Variants in PALD1 observed in about 807,000 individuals in gnomAD.
PALD1 encodes the protein paladin.
PALD1 carries 57 observed loss-of-function variants against 96.0 expected under a neutral mutation model. The observed-to-expected ratio is 0.59, with a 90% CI of 0.48 to 0.74. The LOEUF is 0.74. Ranked by LOEUF, PALD1 falls within the 30% of genes least tolerant of loss-of-function variation. The pLI is 0.00. For missense variants in PALD1, 1,063 were observed against 1,143.7 expected, an observed-to-expected ratio of 0.93 and a Z score of 1.02; for synonymous variants, 464 against 473.6, an observed-to-expected ratio of 0.98 and a Z score of 0.26.
chr10:70,558,196 T>C (rs2132438773), intron 18 of PALD1, among the ~76,000 whole-genome samples: 1 of 152,104 alleles, frequency 6.6e-6, no homozygotes, highest in African/African-American at 2.4e-5. Context: ...GGCTGTCTTC[T>C]CCTGAGCCTC....
At chr10:70,528,780 C>T (rs1048059738) in intron 2 of PALD1, among the ~76,000 whole-genome samples, 5 of 152,190 alleles carry the variant, frequency 3.3e-5, no homozygotes, top group Admixed American at 2.0e-4. Context: ...GGCCCCTTCT[C>T]CCTCATTGCT....
chr10:70,535,226 T>C (rs1025414258), intron 10 of PALD1, among the ~76,000 whole-genome samples: 1 of 152,250 alleles, frequency 6.6e-6, no homozygotes, highest in Non-Finnish European at 1.5e-5. Flanking sequence ...GAAAGACTTA[T>C]GGGCTCTAGG....
chr10:70,534,619 C>T, intron 9 of PALD1, 95 bp downstream of exon 9: 1 of 1,140,044 alleles, frequency 8.8e-7, no homozygotes, highest in Non-Finnish European at 1.3e-6. Flanking sequence ...CGATACCCTC[C>T]CCTACCTCTC....
At chr10:70,563,730 C>G (rs1246976668) in intron 18 of PALD1, among the ~76,000 whole-genome samples, 1 of 152,198 alleles carries the variant, frequency 6.6e-6, no homozygotes, top group Non-Finnish European at 1.5e-5. Context: ...GGTTTCTCCC[C>G]TTCAAGGCTG....
intron 12 of PALD1, 94 bp downstream of exon 12, chr10:70,538,502 C>T (rs1847162136): frequency 1.8e-5 from 23 of 1,310,396 alleles, no homozygotes; most frequent in Middle Eastern, 1.8e-4. Flanking sequence ...GTAAGCATTG[C>T]CCTTGCAGGA....
intron 1 of PALD1, among the ~76,000 whole-genome samples, chr10:70,508,384 G>A (rs899107043): frequency 5.9e-5 from 9 of 152,202 alleles, no homozygotes; most frequent in African/African-American, 1.7e-4. Context: ...GTGAGGAGGT[G>A]CACTGGCTGG....
At chr10:70,517,594 G>A (rs920643539) in intron 1 of PALD1, among the ~76,000 whole-genome samples, 13 of 152,160 alleles carry the variant, frequency 8.5e-5, no homozygotes, top group Non-Finnish European at 1.5e-4. Flanking sequence ...CGCTCACCTC[G>A]GCTTTCCAAA....
chr10:70,466,285 G>A, the PALD1 span, among the ~76,000 whole-genome samples: 921 of 151,262 alleles, frequency 6.1e-3, 6 homozygotes, highest in African/African-American at 0.021. Flanking sequence ...TCACTCTGTC[G>A]CTCAGGCTGG....
chr10:70,521,839 CT>C (rs142686894), intron 1 of PALD1, among the ~76,000 whole-genome samples: 3 of 150,830 alleles, frequency 2.0e-5, no homozygotes, highest in Admixed American at 6.6e-5. Flanking sequence ...CTGGTTTCCT[CT>C]TTTTTTTTGT....
At chr10:70,491,950 T>G (rs778097728) in intron 1 of PALD1, among the ~76,000 whole-genome samples, 1 of 152,262 alleles carries the variant, frequency 6.6e-6, no homozygotes, top group East Asian at 1.9e-4. Context: ...TGAGTAACTT[T>G]CCATTGTATG....
chr10:70,498,524 C>T (rs1846234349), intron 1 of PALD1, among the ~76,000 whole-genome samples: 1 of 151,494 alleles, frequency 6.6e-6, no homozygotes, highest in Admixed American at 6.6e-5. Context: ...AAGCAGTCCT[C>T]TTGCCTTAGC....
intron 18 of PALD1, among the ~76,000 whole-genome samples, chr10:70,561,953 G>A (rs1423222608): frequency 2.6e-5 from 4 of 152,186 alleles, no homozygotes; most frequent in South Asian, 4.1e-4. Context: ...CTCCAGGCAC[G>A]GAGGGCAGGG....
Position 70,547,451 on chromosome 10 carries a change from GC to G in PALD1, c.2262+10del, listed in dbSNP as rs1034797417. 4.4e-6 allele frequency: 7 copies of G among 1,585,790 alleles called. No individual in the cohort carries two copies. In the Admixed American group the frequency reaches 5.1e-5, roughly 11 times the overall value. On this transcript the variant is annotated splice_donor_region_variant and intron_variant, in intron 18 of 19. Coordinates refer to ENST00000263563, the MANE Select transcript of PALD1 (RefSeq NM_014431.3). ...ATCATCTGCACCTACCGCCAGGTGA[GC>G]CCCCACCCCACCCCACCCCACCCTG...
At position 70,539,468 on chromosome 10, in the gene PALD1, A is replaced by G. The variant is rs1847192209; in HGVS notation, c.1726-112A>G. ...GTGACCCCTGAGGCTTGGGGGGGTC[A>G]GGGATGGGACTGGAAGCCAGGGCCA... On this transcript the variant is annotated intron_variant, in intron 14 of 19. Coordinates refer to ENST00000263563, the MANE Select transcript of PALD1 (RefSeq NM_014431.3). This position sits in a 1 kb window ranked among gnomAD's most constrained non-coding sequence, Gnocchi z 4.5. The G allele has an allele frequency of 1.8e-6, 2 of 1,117,278 alleles. No homozygotes were observed. Among genetic ancestry groups the G allele is most frequent in the Non-Finnish European group, 1.2e-6 (1 of 803,772 alleles). 69.2% of individuals were successfully genotyped at this position (1,117,278 alleles called of 1,614,324 possible).
intron 18 of PALD1, among the ~76,000 whole-genome samples, chr10:70,549,012 C>T (rs1476251551): frequency 7.9e-6 from 1 of 126,400 alleles, no homozygotes; most frequent in Non-Finnish European, 1.8e-5. Context: ...AGTTTGAGAC[C>T]TCCCTGGGCA....
chr10:70,483,617 T>C (rs965734279), intron 1 of PALD1, among the ~76,000 whole-genome samples: 1 of 152,134 alleles, frequency 6.6e-6, no homozygotes, highest in African/African-American at 2.4e-5. Context: ...TGCCAGCTTC[T>C]GCATCCTGCT....
At chr10:70,552,709 A>C (rs1183829585) in intron 18 of PALD1, among the ~76,000 whole-genome samples, 2 of 152,174 alleles carry the variant, frequency 1.3e-5, no homozygotes, top group Non-Finnish European at 2.9e-5. Context: ...AGGCAGTCAC[A>C]CCGCCATGAT....
intron 5 of PALD1, among the ~76,000 whole-genome samples, chr10:70,532,251 A>G (rs1564699903): frequency 6.6e-6 from 1 of 152,186 alleles, no homozygotes; most frequent in Non-Finnish European, 1.5e-5. Flanking sequence ...CTTCCAGGTC[A>G]GGAACCGAGG....
At position 70,541,549 on chromosome 10, in the gene PALD1, C is replaced by G; in HGVS notation, c.2121+15C>G. 1 of 1,603,502 alleles carries G rather than the reference C, an allele frequency of 6.2e-7. No individual in the cohort carries two copies. The highest frequency in any genetic ancestry group is 1.1e-5 in the South Asian group (1 of 89,946). On this transcript the variant is annotated intron_variant, in intron 17 of 19. Coordinates refer to ENST00000263563, the MANE Select transcript of PALD1 (RefSeq NM_014431.3). ...GTGAATTTCAGGTGAGCATGCCCTG[C>G]GGGGTCCCTGAGGCACCTTGGGATG... is the stretch of plus-strand genomic sequence containing the variant.
Sources: gnomAD v4.1 joint callset for allele counts (sites outside exome capture counted in the v4.1 genomes callset) on GRCh38, gnomAD v4.1.1 for gene constraint, Gnocchi (gnomAD v3.1) non-coding constraint, MANE v1.5 for transcripts, NCBI Gene and HGNC (gene_info 2026-07-23, HGNC 2026-07-21) for gene names.